NRXN1: variants seen among roughly 807,000 people sequenced by gnomAD.
NRXN1 encodes the protein neurexin-1.
A neutral mutation model predicts 150.9 loss-of-function variants in NRXN1; 39 were observed. That is an observed-to-expected ratio of 0.26 (90% CI 0.20 to 0.34). The LOEUF is 0.34. Ranked by LOEUF, NRXN1 falls within the 10% of genes least tolerant of loss-of-function variation. NRXN1 has a pLI of 1.00. For synonymous variants in NRXN1, 924 were observed against 757.0 expected, an observed-to-expected ratio of 1.22 and a Z score of -3.62; for missense variants, 1,815 against 1,949.9, an observed-to-expected ratio of 0.93 and a Z score of 1.30.
intron 13 of NRXN1, among the ~76,000 whole-genome samples, chr2:50,501,009 T>C (rs1283119513): frequency 1.3e-5 from 2 of 152,154 alleles, no homozygotes; most frequent in Non-Finnish European, 2.9e-5. Flanking sequence ...GAGGTTAAGG[T>C]TGTAATTAAA....
intron 5 of NRXN1, among the ~76,000 whole-genome samples, chr2:50,848,182 T>C (rs1359697600): frequency 6.6e-6 from 1 of 152,092 alleles, no homozygotes; most frequent in Non-Finnish European, 1.5e-5. Flanking sequence ...CCAGTCTTTA[T>C]GCACCCCTAG....
At chr2:50,963,978 G>A (rs542429837) in intron 2 of NRXN1, 1 of 441,914 alleles carries the variant, frequency 2.3e-6, no homozygotes, top group African/African-American at 2.0e-5. Flanking sequence ...ATATGTCATT[G>A]TCCTTCTCTT....
chr2:50,256,911 C>A (rs577755417), intron 17 of NRXN1, among the ~76,000 whole-genome samples: 1 of 152,024 alleles, frequency 6.6e-6, no homozygotes, highest in Non-Finnish European at 1.5e-5. Context: ...GAGAACTGTA[C>A]AATCCTATCC....
chr2:50,999,708 A>G (rs1253323954), intron 2 of NRXN1, among the ~76,000 whole-genome samples: 3 of 151,958 alleles, frequency 2.0e-5, no homozygotes, highest in African/African-American at 7.2e-5. Context: ...CTCAGGTCAA[A>G]CATTTTGGAG....
chr2:50,799,428 T>C (rs1347267863), intron 5 of NRXN1, among the ~76,000 whole-genome samples: 2 of 152,172 alleles, frequency 1.3e-5, no homozygotes, highest in African/African-American at 4.8e-5. Context: ...GTGTGAGAAC[T>C]GTCCAATAAA....
intron 2 of NRXN1, among the ~76,000 whole-genome samples, chr2:50,975,774 A>G (rs886735702): frequency 6.6e-6 from 1 of 151,976 alleles, no homozygotes; most frequent in Admixed American, 6.6e-5. Flanking sequence ...AGGCCTGAGG[A>G]TTCATACCAG....
intron 5 of NRXN1, among the ~76,000 whole-genome samples, chr2:50,668,145 ATTT>A: frequency 6.6e-6 from 1 of 151,978 alleles, no homozygotes; most frequent in Non-Finnish European, 1.5e-5. Flanking sequence ...CAAAGCCTCC[ATTT>A]TACTGCTTTC....
intron 18 of NRXN1, among the ~76,000 whole-genome samples, chr2:50,133,260 G>A (rs17445771): frequency 0.12 from 13,476 of 112,544 alleles, 693 homozygotes; most frequent in Middle Eastern, 0.2. Flanking sequence ...GCAGAGTGCT[G>A]GGTAAGGGCA....
chr2:50,467,497 AG>A (rs1431747599), intron 16 of NRXN1, among the ~76,000 whole-genome samples: 2 of 151,780 alleles, frequency 1.3e-5, no homozygotes, highest in East Asian at 3.9e-4. Context: ...TTGTATAAAT[AG>A]ATGATTTTGA....
intron 17 of NRXN1, among the ~76,000 whole-genome samples, chr2:50,379,261 C>T (rs548098781): frequency 6.6e-6 from 1 of 152,078 alleles, no homozygotes; most frequent in Non-Finnish European, 1.5e-5. Flanking sequence ...TGACCCAGGT[C>T]AAAGCCCTAT....
At chr2:50,894,931 C>T (rs898563946) in intron 5 of NRXN1, among the ~76,000 whole-genome samples, 4 of 152,030 alleles carry the variant, frequency 2.6e-5, no homozygotes, top group African/African-American at 7.3e-5. Flanking sequence ...TTATGTTATT[C>T]CTAGAAATAT....
At chr2:50,759,451 G>C (rs140943775) in intron 5 of NRXN1, among the ~76,000 whole-genome samples, 2 of 151,962 alleles carry the variant, frequency 1.3e-5, no homozygotes, top group East Asian at 3.9e-4. Context: ...CACTAATTCT[G>C]CTACCATCTT....
intron 17 of NRXN1, among the ~76,000 whole-genome samples, chr2:50,454,837 T>G (rs1285293077): frequency 6.6e-6 from 1 of 152,024 alleles, no homozygotes; most frequent in East Asian, 1.9e-4. Flanking sequence ...CTTATACACA[T>G]AAAAAGACAA....
chr2:51,013,983 T>C (rs995583182), intron 2 of NRXN1, among the ~76,000 whole-genome samples: 26 of 152,074 alleles, frequency 1.7e-4, no homozygotes, highest in African/African-American at 6.3e-4. Context: ...GACTGCCTGA[T>C]CTACAGACAC....
At chr2:50,697,811 C>T (rs888323689) in intron 5 of NRXN1, among the ~76,000 whole-genome samples, 1 of 152,132 alleles carries the variant, frequency 6.6e-6, no homozygotes, top group Admixed American at 6.6e-5. Flanking sequence ...CTTTTCTCTG[C>T]CTCCAGGTTG....
chr2:50,184,627 T>G (rs929171130), intron 18 of NRXN1, among the ~76,000 whole-genome samples: 2 of 152,150 alleles, frequency 1.3e-5, no homozygotes, highest in East Asian at 3.9e-4. Context: ...TCATTTAAAT[T>G]AGAAACACAT....
chr2:50,929,528 T>C (rs906065434), intron 2 of NRXN1, among the ~76,000 whole-genome samples: 4 of 152,110 alleles, frequency 2.6e-5, no homozygotes, highest in East Asian at 3.9e-4. Context: ...GCTCCCCTCA[T>C]TTTCCTTGAT....
intron 17 of NRXN1, among the ~76,000 whole-genome samples, chr2:50,284,956 C>A (rs1205396755): frequency 2.6e-5 from 4 of 152,082 alleles, no homozygotes. Flanking sequence ...CACCAAACTT[C>A]TGTATAAAGA....
intron 5 of NRXN1, chr2:50,632,500 T>C (rs1264008408): frequency 1.3e-5 from 2 of 152,020 alleles, no homozygotes; most frequent in Non-Finnish European, 2.9e-5. Context: ...TCAGCATTAC[T>C]TGGAGCTTGT....
Sources: allele counts gnomAD v4.1 joint callset (sites outside exome capture counted in the v4.1 genomes callset), GRCh38; gene constraint gnomAD v4.1.1; transcripts MANE v1.5; gene names NCBI Gene and HGNC (gene_info 2026-07-23, HGNC 2026-07-21).